EYS: variants seen among roughly 807,000 people sequenced by gnomAD.
EYS encodes the protein protein eyes shut homolog.
EYS carries 250 observed loss-of-function variants against 282.1 expected under a neutral mutation model. The observed-to-expected ratio is 0.89, with a 90% CI of 0.80 to 0.98. EYS has a LOEUF of 0.98. Among genes scored for constraint, EYS ranks in the 50% least tolerant of loss-of-function variants. The pLI is 0.00. For synonymous variants in EYS, 1,355 were observed against 1,282.9 expected (o/e 1.06, Z -1.20); for missense variants, 4,016 against 3,709.0 (o/e 1.08, Z -2.15).
intron 41 of EYS, among the ~76,000 whole-genome samples, chr6:63,748,417 A>G (rs765319031): frequency 6.6e-6 from 1 of 152,168 alleles, no homozygotes; most frequent in Non-Finnish European, 1.5e-5. Flanking sequence ...TTTTGCATCA[A>G]TGTTTATCAA....
At chr6:64,688,141 GTCAA>G (rs1375981620) in intron 22 of EYS, among the ~76,000 whole-genome samples, 1 of 151,834 alleles carries the variant, frequency 6.6e-6, no homozygotes, top group African/African-American at 2.4e-5. Context: ...CTTGCTAGCG[GTCAA>G]TCAATCTTGT....
intron 22 of EYS, among the ~76,000 whole-genome samples, chr6:64,628,764 A>T (rs911690880): frequency 1.3e-5 from 2 of 152,208 alleles, no homozygotes; most frequent in Non-Finnish European, 2.9e-5. Flanking sequence ...AAGGAAAAAA[A>T]CTACTTACCT....
intron 26 of EYS, among the ~76,000 whole-genome samples, chr6:64,560,210 T>C (rs193298419): frequency 4.6e-5 from 7 of 152,004 alleles, no homozygotes; most frequent in Admixed American, 4.6e-4. Flanking sequence ...CTAGTTTTAC[T>C]TTATGTTAAA....
rs549804653 is a variant in EYS at position 65,063,529 on chromosome 6, C to A, written c.2024-5802G>T. Among the ~76,000 whole-genome samples, 5 of 152,076 alleles carry A rather than the reference C, an allele frequency of 3.3e-5. No individual in the cohort carries two copies. In the South Asian group the frequency reaches 1.0e-3, roughly 32 times the overall value. On this transcript the variant is annotated intron_variant, in intron 12 of 42. Transcript: ENST00000503581. ...CCCATAATTTCAAATCAAGTCAGAG[C>A]AGTAGCTCTTTCACTTACAACCCAG...
chr6:65,212,469 A>T lies in EYS; in HGVS notation c.2023+83394T>A, dbSNP rs115520839. Among the ~76,000 whole-genome samples the T allele has an allele frequency of 6.5e-3, 988 of 152,262 alleles. 12 individuals carry two copies. Among genetic ancestry groups the T allele is most frequent in the African/African-American group, 0.022 (930 of 41,566 alleles). ...TTTTGGCCCACTGTTTTCTTAATAT[A>T]TTCAATGAACTTTCTCATATGTTAG... On this transcript the variant is annotated intron_variant, in intron 12 of 42. Coordinates refer to ENST00000503581, the MANE Select transcript of EYS (RefSeq NM_001142800.2).
At chr6:65,325,820 T>C (rs1229582553) in intron 11 of EYS, among the ~76,000 whole-genome samples, 1 of 152,102 alleles carries the variant, frequency 6.6e-6, no homozygotes, top group Non-Finnish European at 1.5e-5. Flanking sequence ...TTACAGGAAT[T>C]CTTATTTCAA....
intron 15 of EYS, among the ~76,000 whole-genome samples, chr6:64,913,041 G>A (rs372818834): frequency 2.0e-5 from 3 of 152,008 alleles, no homozygotes; most frequent in African/African-American, 7.2e-5. Context: ...ATCACCAATT[G>A]AGCAAAATTT....
intron 26 of EYS, among the ~76,000 whole-genome samples, chr6:64,472,726 C>T (rs933589726): frequency 3.9e-5 from 6 of 152,076 alleles, no homozygotes; most frequent in African/African-American, 1.4e-4. Context: ...CCAATTTACA[C>T]CCTGACACTT....
intron 26 of EYS, among the ~76,000 whole-genome samples, chr6:64,589,819 A>G (rs1304490438): frequency 6.6e-6 from 1 of 152,130 alleles, no homozygotes; most frequent in Non-Finnish European, 1.5e-5. Flanking sequence ...CCTCTTTCCC[A>G]TATTAAAAAA....
chr6:64,234,109 G>A (rs902073483), intron 30 of EYS, among the ~76,000 whole-genome samples: 4 of 152,106 alleles, frequency 2.6e-5, no homozygotes, highest in African/African-American at 9.7e-5. Context: ...AGAAACAAAC[G>A]CTGCCAGAAG....
In EYS at chr6:64,549,246, C is replaced by T. The variant is rs190779971; in HGVS notation, c.5644+40977G>A. On this transcript the variant is annotated intron_variant, in intron 26 of 42. Transcript: ENST00000503581. ...AAACCTGACCTTCACTCTGCCTCAC[C>T]GTATCATAAGCAAAGGATCTCAAGT... 4.9e-4 allele frequency among the ~76,000 whole-genome samples: 75 copies of T among 152,230 alleles called. 1 individual carries two copies. The East Asian group carries it at 6.8e-3, about 14-fold the overall frequency.
At chr6:65,560,297 A>C (rs1316581171) in intron 2 of EYS, among the ~76,000 whole-genome samples, 3 of 139,722 alleles carry the variant, frequency 2.1e-5, no homozygotes, top group Non-Finnish European at 3.0e-5. Flanking sequence ...AATATAACAT[A>C]TAATAATATA....
chr6:65,444,181 C>T (rs1352831898), intron 5 of EYS, among the ~76,000 whole-genome samples: 1 of 151,920 alleles, frequency 6.6e-6, no homozygotes, highest in East Asian at 1.9e-4. Context: ...ACACTAGAGT[C>T]ACTATTCTTC....
chr6:65,396,147 C>A (rs1766270592), intron 7 of EYS, among the ~76,000 whole-genome samples: 1 of 152,090 alleles, frequency 6.6e-6, no homozygotes, highest in Non-Finnish European at 1.5e-5. Context: ...TCAATATCTG[C>A]AAAGTTTATT....
At chr6:64,549,752 A>G in intron 26 of EYS, among the ~76,000 whole-genome samples, 1 of 85,020 alleles carries the variant, frequency 1.2e-5, no homozygotes, top group Admixed American at 1.2e-4. Flanking sequence ...TTTTTTTTTT[A>G]TACTTTAAGT....
chr6:65,150,803 C>T (rs1012626862), intron 12 of EYS, among the ~76,000 whole-genome samples: 1 of 151,760 alleles, frequency 6.6e-6, no homozygotes, highest in Non-Finnish European at 1.5e-5. Flanking sequence ...TTTTATCTCC[C>T]AAATTTATTG....
At chr6:63,816,744 G>A (rs533153747) in intron 36 of EYS, among the ~76,000 whole-genome samples, 26 of 152,326 alleles carry the variant, frequency 1.7e-4, no homozygotes, top group South Asian at 1.0e-3. Context: ...GTACATGTAC[G>A]CAAATAAGAA....
At chr6:63,860,300 T>C (rs1164946847) in intron 36 of EYS, among the ~76,000 whole-genome samples, 3 of 152,174 alleles carry the variant, frequency 2.0e-5, no homozygotes, top group Non-Finnish European at 4.4e-5. Flanking sequence ...ATATTGAATA[T>C]TGATATGTGA....
At chr6:65,138,114 T>C (rs952476721) in intron 12 of EYS, among the ~76,000 whole-genome samples, 1 of 152,056 alleles carries the variant, frequency 6.6e-6, no homozygotes, top group Non-Finnish European at 1.5e-5. Context: ...AGTACCGATA[T>C]CAATGAAAGA....
Sources: gnomAD v4.1 joint callset for allele counts (sites outside exome capture counted in the v4.1 genomes callset) on GRCh38, gnomAD v4.1.1 for gene constraint, MANE v1.5 for transcripts, NCBI Gene and HGNC (gene_info 2026-07-23, HGNC 2026-07-21) for gene names.